Variants in KCNQ5 observed in about 807,000 individuals in gnomAD.
KCNQ5 encodes the protein potassium voltage-gated channel subfamily Q member 5.
A neutral mutation model predicts 98.2 loss-of-function variants in KCNQ5; 30 were observed. The observed-to-expected ratio is 0.31, with a 90% CI of 0.23 to 0.41. The LOEUF (loss-of-function observed/expected upper bound fraction) is 0.41, where lower values mean the gene tolerates loss of function less well. Among genes scored for constraint, KCNQ5 ranks in the 10% least tolerant of loss-of-function variants. The pLI, the probability that KCNQ5 is intolerant of heterozygous loss-of-function variation, is 1.00. For synonymous variants in KCNQ5, 458 were observed against 449.4 expected (o/e 1.02, Z -0.24); for missense variants, 835 against 1,182.5 (o/e 0.71, Z 4.31).
intron 1 of KCNQ5, among the ~76,000 whole-genome samples, chr6:72,634,634 C>T (rs1007175534): frequency 6.6e-6 from 1 of 152,108 alleles, no homozygotes; most frequent in Non-Finnish European, 1.5e-5. Flanking sequence ...GGTGTGATTT[C>T]GGCTCACTGC....
At chr6:72,646,318 G>A (rs1437691749) in intron 1 of KCNQ5, among the ~76,000 whole-genome samples, 2 of 151,678 alleles carry the variant, frequency 1.3e-5, no homozygotes, top group Admixed American at 1.3e-4. Flanking sequence ...AAGTCAACAG[G>A]CTTATAAAGA....
chr6:73,066,412 C>T (rs1228346169), intron 3 of KCNQ5, among the ~76,000 whole-genome samples: 4 of 152,134 alleles, frequency 2.6e-5, no homozygotes, highest in African/African-American at 4.8e-5. Flanking sequence ...AGAACATAAG[C>T]TCCATGAGGG....
chr6:73,077,283 G>A, intron 3 of KCNQ5, 39 bp from the exon 4 acceptor site: 1 of 1,579,830 alleles, frequency 6.3e-7, no homozygotes, highest in Middle Eastern at 1.7e-4. Context: ...AAAATTCCTG[G>A]TCGTGCTAAC....
intron 1 of KCNQ5, among the ~76,000 whole-genome samples, chr6:72,771,897 T>C (rs1485764944): frequency 6.6e-6 from 1 of 152,070 alleles, no homozygotes; most frequent in Non-Finnish European, 1.5e-5. Context: ...GTTATTTACG[T>C]ATAGGGAACA....
intron 11 of KCNQ5, among the ~76,000 whole-genome samples, chr6:73,189,429 A>G (rs1289239209): frequency 1.3e-5 from 2 of 152,210 alleles, no homozygotes; most frequent in Non-Finnish European, 2.9e-5. Context: ...TTTAACCTAT[A>G]AAACAATTTG....
intron 1 of KCNQ5, chr6:72,678,613 T>G (rs1293334214): frequency 6.6e-6 from 1 of 152,226 alleles, no homozygotes; most frequent in Non-Finnish European, 1.5e-5. Context: ...TTCTGGAAAT[T>G]TTTATTGCAT....
intron 1 of KCNQ5, among the ~76,000 whole-genome samples, chr6:72,648,918 G>A (rs186947831): frequency 1.3e-5 from 2 of 152,194 alleles, no homozygotes; most frequent in Admixed American, 1.3e-4. Flanking sequence ...GTTATGTTCA[G>A]TTAATCTACC....
intron 1 of KCNQ5, among the ~76,000 whole-genome samples, chr6:72,630,218 C>A (rs909406861): frequency 6.6e-5 from 10 of 152,068 alleles, no homozygotes; most frequent in Admixed American, 3.3e-4. Context: ...TAAATTTACT[C>A]TTGATAATAT....
intron 1 of KCNQ5, among the ~76,000 whole-genome samples, chr6:72,629,285 T>G (rs2098919564): frequency 6.6e-6 from 1 of 152,260 alleles, no homozygotes; most frequent in African/African-American, 2.4e-5. Flanking sequence ...TTACATATTC[T>G]TTTTGCTCCT....
At chr6:73,133,699 A>G (rs1776336770) in intron 10 of KCNQ5, 58 bp downstream of exon 10, 5 of 1,415,018 alleles carry the variant, frequency 3.5e-6, no homozygotes, top group Non-Finnish European at 5.0e-6. Context: ...GAGTGAGATT[A>G]TGAAGTAATT....
intron 1 of KCNQ5, among the ~76,000 whole-genome samples, chr6:72,857,445 AG>A (rs1338207612): frequency 2.6e-5 from 4 of 152,180 alleles, no homozygotes; most frequent in African/African-American, 9.7e-5. Context: ...TACTGTGCAA[AG>A]ACTGACTATA....
chr6:73,190,205 T>C (rs1449635592), intron 11 of KCNQ5, among the ~76,000 whole-genome samples: 1 of 152,210 alleles, frequency 6.6e-6, no homozygotes, highest in Non-Finnish European at 1.5e-5. Flanking sequence ...ACAGCCTTTA[T>C]ATTTTTTAAG....
intron 1 of KCNQ5, among the ~76,000 whole-genome samples, chr6:72,708,769 G>A (rs530011871): frequency 1.2e-4 from 18 of 151,960 alleles, no homozygotes; most frequent in Admixed American, 2.6e-4. Flanking sequence ...ACCTCCCTTC[G>A]CCTTCTAAAG....
At chr6:72,886,841 G>T (rs1419995017) in intron 1 of KCNQ5, among the ~76,000 whole-genome samples, 1 of 151,990 alleles carries the variant, frequency 6.6e-6, no homozygotes, top group Non-Finnish European at 1.5e-5. Context: ...TTTGTTTTTG[G>T]TCATTCCAAA....
chr6:72,851,775 TAAG>T (rs140212686), intron 1 of KCNQ5, among the ~76,000 whole-genome samples: 10,673 of 152,154 alleles, frequency 0.07, 737 homozygotes, highest in African/African-American at 0.19. Flanking sequence ...TTAATAAAGT[TAAG>T]AATAGTTATT....
At chr6:73,124,233 A>G (rs1053814464) in intron 8 of KCNQ5, among the ~76,000 whole-genome samples, 3 of 152,174 alleles carry the variant, frequency 2.0e-5, no homozygotes, top group Non-Finnish European at 4.4e-5. Flanking sequence ...TGAAAAGTCT[A>G]TTGTTTTTTA....
chr6:73,011,579 A>T lies in KCNQ5; in HGVS notation c.489+7581A>T, dbSNP rs139738017. Among the ~76,000 whole-genome samples the T allele has an allele frequency of 1.2e-3, 177 of 152,250 alleles. 1 individual carries two copies. Among genetic ancestry groups the T allele is most frequent in the African/African-American group, 4.1e-3 (169 of 41,570 alleles). On this transcript the variant is annotated intron_variant, in intron 2 of 13. Coordinates refer to ENST00000370398, the MANE Select transcript of KCNQ5 (RefSeq NM_019842.4). The stretch of plus-strand genomic sequence containing the variant: ...ATTTGTCAGTGATTTCTTGGACATA[A>T]CACCAAAGGTGTAGGCAACAAAAGA...
intron 1 of KCNQ5, among the ~76,000 whole-genome samples, chr6:72,945,627 A>T (rs1766507526): frequency 6.6e-6 from 1 of 151,438 alleles, no homozygotes; most frequent in South Asian, 2.1e-4. Flanking sequence ...GCTAATTTTT[A>T]AATTTTTTAG....
intron 1 of KCNQ5, among the ~76,000 whole-genome samples, chr6:72,822,915 C>A (rs1262943335): frequency 6.6e-6 from 1 of 152,154 alleles, no homozygotes; most frequent in Admixed American, 6.6e-5. Context: ...TGACTCATGA[C>A]CCCATGTCAC....
Sources: allele counts gnomAD v4.1 joint callset (sites outside exome capture counted in the v4.1 genomes callset), GRCh38; gene constraint gnomAD v4.1.1; transcripts MANE v1.5; gene names NCBI Gene and HGNC (gene_info 2026-07-23, HGNC 2026-07-21).